The following ELMO1 variants were observed in gnomAD, a reference collection of about 807,000 sequenced individuals.
ELMO1 encodes the protein engulfment and cell motility protein 1.
ELMO1 carries 26 observed loss-of-function variants against 98.9 expected under a neutral mutation model. The ratio of observed to expected loss-of-function variants is 0.26; its 90% CI spans 0.19 to 0.36. The LOEUF (loss-of-function observed/expected upper bound fraction) is 0.36, where lower values mean the gene tolerates loss of function less well. Ranked by LOEUF, ELMO1 falls within the 10% of genes least tolerant of loss-of-function variation. The pLI is 1.00. For missense variants in ELMO1, 627 were observed against 935.2 expected (o/e 0.67, Z 4.30); for synonymous variants, 346 against 346.0 (o/e 1.00, Z 0.00).
chr7:36,972,419 G>T (rs73117514), intron 16 of ELMO1, among the ~76,000 whole-genome samples: 1 of 152,222 alleles, frequency 6.6e-6, no homozygotes, highest in Non-Finnish European at 1.5e-5. Context: ...CTGCCATGAC[G>T]AAGTATGGCA....
rs755795171 is a variant in ELMO1 at position 37,232,425 on chromosome 7, G to T, written c.549+670C>A. 4.7e-4 allele frequency among the ~76,000 whole-genome samples: 72 copies of T among 152,296 alleles called. No homozygotes were observed. In the Middle Eastern group the frequency reaches 0.014, roughly 29 times the overall value. On this transcript the variant is annotated intron_variant, in intron 8 of 21. Coordinates refer to ENST00000310758, the MANE Select transcript of ELMO1 (RefSeq NM_014800.11). ...TTTAATCTACATTTAAGAGTGACAA[G>T]ATCAAGACTGTTTATTTTTAGTCAG...
intron 4 of ELMO1, among the ~76,000 whole-genome samples, chr7:37,312,449 A>G (rs577182834): frequency 6.6e-6 from 1 of 152,288 alleles, no homozygotes; most frequent in South Asian, 2.1e-4. Flanking sequence ...TCCTGTACAC[A>G]TGGGTTCCAA....
chr7:37,344,667 T>C (rs1800908266), intron 1 of ELMO1, among the ~76,000 whole-genome samples: 1 of 152,224 alleles, frequency 6.6e-6, no homozygotes, highest in Non-Finnish European at 1.5e-5. Context: ...ATTGGACTTG[T>C]ATGAGGTTGT....
chr7:37,247,895 A>ATGTGTG (rs58502667), intron 6 of ELMO1, among the ~76,000 whole-genome samples: 5,419 of 146,592 alleles, frequency 0.037, 186 homozygotes, highest in African/African-American at 0.087. Flanking sequence ...TTGAAATAAA[A>ATGTGTG]TGTGTGTGTG....
intron 14 of ELMO1, among the ~76,000 whole-genome samples, chr7:37,123,121 G>A (rs762311300): frequency 5.9e-5 from 9 of 152,050 alleles, no homozygotes; most frequent in Non-Finnish European, 1.3e-4. Context: ...GAATCTCTGG[G>A]ACACATTTAA....
At chr7:37,176,275 AAAG>A (rs1375008336) in intron 13 of ELMO1, among the ~76,000 whole-genome samples, 4 of 152,206 alleles carry the variant, frequency 2.6e-5, no homozygotes, top group Non-Finnish European at 4.4e-5. Context: ...CAATACTTTC[AAAG>A]AAAAGGACTG....
chr7:37,018,468 A>T (rs1371456334), intron 15 of ELMO1, among the ~76,000 whole-genome samples: 1 of 151,784 alleles, frequency 6.6e-6, no homozygotes, highest in African/African-American at 2.4e-5. Context: ...GGCTTAGTAA[A>T]TGGTAGCTAT....
intron 1 of ELMO1, among the ~76,000 whole-genome samples, chr7:37,405,339 A>C (rs1372746292): frequency 6.6e-6 from 1 of 151,570 alleles, no homozygotes; most frequent in African/African-American, 2.4e-5. Context: ...CACGCCCCAG[A>C]CTCCACCTTG....
chr7:37,400,652 C>G (rs1034904286), intron 1 of ELMO1, among the ~76,000 whole-genome samples: 6 of 152,186 alleles, frequency 3.9e-5, no homozygotes, highest in African/African-American at 1.4e-4. Flanking sequence ...TCACCCCTTT[C>G]AGTTACTCCA....
intron 16 of ELMO1, among the ~76,000 whole-genome samples, chr7:36,922,753 G>A (rs1365876732): frequency 3.3e-5 from 5 of 152,180 alleles, no homozygotes; most frequent in Non-Finnish European, 7.3e-5. Context: ...ACACTCAGCT[G>A]CCAGCATCGA....
Position 36,889,657 on chromosome 7 carries a change from G to C in ELMO1, c.1602-1985C>G, listed in dbSNP as rs748216290. On this transcript the variant is annotated intron_variant, in intron 17 of 21. Coordinates refer to ENST00000310758, the MANE Select transcript of ELMO1 (RefSeq NM_014800.11). ...ATGCAGTGATGAAGACCAAGAGAAG[G>C]AAACAACTGAAGGAATTCTGAGTAA... 1.1e-4 allele frequency among the ~76,000 whole-genome samples: 16 copies of C among 152,232 alleles called. 1 individual carries two copies. Among genetic ancestry groups the C allele is most frequent in the Non-Finnish European group, 1.6e-4 (11 of 68,030 alleles).
intron 13 of ELMO1, among the ~76,000 whole-genome samples, chr7:37,134,812 CAG>C (rs1787159625): frequency 6.6e-6 from 1 of 152,144 alleles, no homozygotes; most frequent in Non-Finnish European, 1.5e-5. Context: ...AACTCAGAAA[CAG>C]AAAGTCAAAT....
intron 15 of ELMO1, among the ~76,000 whole-genome samples, chr7:37,059,872 A>T (rs1196332376): frequency 6.6e-6 from 1 of 152,164 alleles, no homozygotes; most frequent in Non-Finnish European, 1.5e-5. Flanking sequence ...TAAATAAATG[A>T]CTTGCCCAGG....
chr7:37,109,619 G>A (rs534476873), intron 14 of ELMO1, among the ~76,000 whole-genome samples: 22 of 152,304 alleles, frequency 1.4e-4, no homozygotes, highest in African/African-American at 5.3e-4. Flanking sequence ...AGCATTCCAT[G>A]TTGGAGTGCA....
In ELMO1 at chr7:36,870,184, G is replaced by A. The variant is rs987459951; in HGVS notation, c.1905+209C>T. Among the ~76,000 whole-genome samples, 1 of 152,026 alleles carries A rather than the reference G, an allele frequency of 6.6e-6. No individual in the cohort carries two copies. The highest frequency in any genetic ancestry group is 2.4e-5 in the African/African-American group (1 of 41,366). On this transcript the variant is annotated intron_variant, in intron 20 of 21. Transcript: ENST00000310758. The surrounding 1 kb of genome is among the most constrained non-coding windows in gnomAD (Gnocchi z 4.4). ...CAGGAAGTGAGAGAATGGAAAAGATGGTGAGCATCAGAAAAGGGGTCAGAA... is the reference window on the plus strand; with the variant it reads ...CAGGAAGTGAGAGAATGGAAAAGATAGTGAGCATCAGAAAAGGGGTCAGAA...
At chr7:37,290,649 T>A (rs1797629258) in intron 4 of ELMO1, among the ~76,000 whole-genome samples, 1 of 152,254 alleles carries the variant, frequency 6.6e-6, no homozygotes, top group Admixed American at 6.5e-5. Flanking sequence ...GGTTAAGCTT[T>A]ATTGAAAATG....
At position 37,306,849 on chromosome 7, in the gene ELMO1, T is replaced by TA. The variant is rs35597257; in HGVS notation, c.192+8000dup. ...ATAAATCTTACCTCAATTATGATGT[T>TA]AAAAAAAAAGAAGAGTTCATATCCT... On this transcript the variant is annotated intron_variant, in intron 4 of 21. Coordinates refer to ENST00000310758, the MANE Select transcript of ELMO1 (RefSeq NM_014800.11). Among the ~76,000 whole-genome samples, 776 of 151,396 alleles carry TA rather than the reference T, an allele frequency of 5.1e-3. 11 individuals are homozygous for TA. The highest frequency in any genetic ancestry group is 0.018 in the African/African-American group (732 of 41,306).
chr7:37,432,847 G>A (rs370676899), intron 1 of ELMO1, among the ~76,000 whole-genome samples: 4 of 152,356 alleles, frequency 2.6e-5, no homozygotes, highest in South Asian at 2.1e-4. Context: ...TCCAGTTATG[G>A]TCTTCAAATG....
intron 13 of ELMO1, among the ~76,000 whole-genome samples, chr7:37,166,448 C>G (rs1016735413): frequency 2.0e-5 from 3 of 152,072 alleles, no homozygotes; most frequent in African/African-American, 7.2e-5. Context: ...AATTTTGGAT[C>G]TTTCCTGCTT....
Sources: gnomAD v4.1 joint callset for allele counts (sites outside exome capture counted in the v4.1 genomes callset) on GRCh38, gnomAD v4.1.1 for gene constraint, Gnocchi (gnomAD v3.1) non-coding constraint, MANE v1.5 for transcripts, NCBI Gene and HGNC (gene_info 2026-07-23, HGNC 2026-07-21) for gene names.